The following FSIP1 variants were observed in gnomAD, a reference collection of about 807,000 sequenced individuals.
The protein encoded by FSIP1 is fibrous sheath interacting protein 1.
FSIP1 carries 65 observed loss-of-function variants against 60.9 expected under a neutral mutation model. That is an observed-to-expected ratio of 1.07 (90% CI 0.87 to 1.31). The LOEUF (loss-of-function observed/expected upper bound fraction) is 1.31, where lower values mean the gene tolerates loss of function less well. FSIP1 is among the 40% of genes most tolerant of loss of function. The pLI is 0.00. For missense variants in FSIP1, 675 were observed against 665.5 expected (o/e 1.01, Z -0.16); for synonymous variants, 209 against 221.2 (o/e 0.94, Z 0.49).
At chr15:39,759,468 A>G (rs1897415803) in intron 5 of FSIP1, among the ~76,000 whole-genome samples, 1 of 152,232 alleles carries the variant, frequency 6.6e-6, no homozygotes. Context: ...ATTCAGATAC[A>G]ATGTGGGTAA....
chr15:39,629,991 C>A (rs1409466782), intron 10 of FSIP1, among the ~76,000 whole-genome samples: 1 of 152,142 alleles, frequency 6.6e-6, no homozygotes, highest in African/African-American at 2.4e-5. Flanking sequence ...TCACAGAGAG[C>A]TTTTTCTGGT....
intron 5 of FSIP1, among the ~76,000 whole-genome samples, chr15:39,751,192 T>C (rs1208503864): frequency 6.6e-6 from 1 of 151,848 alleles, no homozygotes; most frequent in Non-Finnish European, 1.5e-5. Context: ...GGTGGAGCCA[T>C]TATGGAAACC....
At chr15:39,638,933 G>A (rs11636823) in intron 10 of FSIP1, among the ~76,000 whole-genome samples, 3 of 151,556 alleles carry the variant, frequency 2.0e-5, no homozygotes, top group Admixed American at 6.6e-5. Context: ...TTTTCTTATT[G>A]CTAAGTATAA....
At chr15:39,745,984 T>C (rs993999361) in intron 5 of FSIP1, among the ~76,000 whole-genome samples, 7 of 151,972 alleles carry the variant, frequency 4.6e-5, no homozygotes, top group African/African-American at 9.7e-5. Context: ...GAGGCTGAGG[T>C]GGGAGGATCC....
intron 5 of FSIP1, among the ~76,000 whole-genome samples, chr15:39,762,085 G>A (rs1330364579): frequency 6.6e-6 from 1 of 152,198 alleles, no homozygotes; most frequent in African/African-American, 2.4e-5. Flanking sequence ...GAGCTGAAAT[G>A]TCCAAGCTTG....
intron 5 of FSIP1, among the ~76,000 whole-genome samples, chr15:39,753,430 G>GC (rs71309407): frequency 0.29 from 44,650 of 151,826 alleles, 7,338 homozygotes; most frequent in Non-Finnish European, 0.38. Flanking sequence ...ACCTGTGTGT[G>GC]CACACACAAA....
intron 2 of FSIP1, 66 bp downstream of exon 2, chr15:39,776,333 C>T: frequency 2.0e-6 from 3 of 1,493,370 alleles, no homozygotes. Context: ...TTAACAACAA[C>T]CTTAGTTTCA....
intron 10 of FSIP1, among the ~76,000 whole-genome samples, chr15:39,686,165 C>G (rs967697757): frequency 6.6e-6 from 1 of 152,150 alleles, no homozygotes; most frequent in Non-Finnish European, 1.5e-5. Context: ...AAACCCACCA[C>G]GGGTACCCAA....
chr15:39,699,041 C>G (rs186075176), intron 10 of FSIP1, among the ~76,000 whole-genome samples: 39 of 152,244 alleles, frequency 2.6e-4, no homozygotes, highest in Non-Finnish European at 4.9e-4. Context: ...CAAGATGCCT[C>G]CTGAATGTTC....
chr15:39,633,009 T>C (rs989875496), intron 10 of FSIP1, among the ~76,000 whole-genome samples: 1 of 151,670 alleles, frequency 6.6e-6, no homozygotes, highest in Non-Finnish European at 1.5e-5. Context: ...CTCAGAATTG[T>C]ACTTCCCTTT....
chr15:39,715,906 T>G (rs1469053184), intron 9 of FSIP1, among the ~76,000 whole-genome samples: 4 of 152,190 alleles, frequency 2.6e-5, no homozygotes, highest in Non-Finnish European at 2.9e-5. Context: ...AGTGCCTGCT[T>G]CCCCTTCACC....
intron 8 of FSIP1, among the ~76,000 whole-genome samples, chr15:39,735,074 T>C (rs1333976898): frequency 6.6e-6 from 1 of 152,192 alleles, no homozygotes; most frequent in Non-Finnish European, 1.5e-5. Context: ...TGGGTAGCAG[T>C]TTACCCAATT....
rs760261829 is a variant in FSIP1, at chr15:39,600,842, T to C, written c.*38A>G. On this transcript the variant is annotated 3_prime_UTR_variant, in exon 12 of 12. Coordinates refer to ENST00000350221, the MANE Select transcript of FSIP1 (RefSeq NM_152597.5). ...AATAAGAAATTTAATTTAACTTCAT[T>C]ACCAACTTTCTGAAAAGCACACCCA... 6.5e-7 allele frequency: 1 copy of C among 1,541,454 alleles called. No homozygotes were observed. The highest frequency in any genetic ancestry group is 8.9e-7 in the Non-Finnish European group (1 of 1,128,342).
At chr15:39,699,455 G>T (rs892329326) in intron 10 of FSIP1, among the ~76,000 whole-genome samples, 1 of 152,102 alleles carries the variant, frequency 6.6e-6, no homozygotes, top group Non-Finnish European at 1.5e-5. Flanking sequence ...TTTATTGAAC[G>T]TCCACTTTTT....
intron 10 of FSIP1, among the ~76,000 whole-genome samples, chr15:39,619,648 T>C (rs1449999079): frequency 6.6e-6 from 1 of 152,204 alleles, no homozygotes; most frequent in Non-Finnish European, 1.5e-5. Context: ...AGGAGCATTA[T>C]CTCCACCCTA....
At chr15:39,701,213 A>G (rs973311259) in intron 10 of FSIP1, among the ~76,000 whole-genome samples, 1 of 152,256 alleles carries the variant, frequency 6.6e-6, no homozygotes, top group Non-Finnish European at 1.5e-5. Context: ...ATGTATTCCA[A>G]TTAATAAACT....
chr15:39,696,915 TGTGTGTGTGTGTTGGGA>T (rs1894842800), intron 10 of FSIP1, among the ~76,000 whole-genome samples: 1 of 39,098 alleles, frequency 2.6e-5, no homozygotes, highest in African/African-American at 5.9e-5. Context: ...TGTGTGTGTG[TGTGTGTGTGTGTTGGGA>T]TGGGGGAAGG....
At chr15:39,773,558 A>T (rs981617926) in intron 2 of FSIP1, among the ~76,000 whole-genome samples, 1 of 152,258 alleles carries the variant, frequency 6.6e-6, no homozygotes, top group African/African-American at 2.4e-5. Context: ...TATCAATATC[A>T]TGAAGTTGCT....
chr15:39,739,795 A>G lies in FSIP1; in HGVS notation c.656-6T>C. The G allele has an allele frequency of 6.5e-7, 1 of 1,538,636 alleles. No homozygotes were observed. Among genetic ancestry groups the G allele is most frequent in the Non-Finnish European group, 8.7e-7 (1 of 1,146,750 alleles). On this transcript the variant is annotated splice_region_variant and splice_polypyrimidine_tract_variant and intron_variant, in intron 6 of 11. Coordinates refer to ENST00000350221, the MANE Select transcript of FSIP1 (RefSeq NM_152597.5). ...TTCCACATCACAGGTAAAATCTAAT[A>G]TTAAAAAAGTTCAAAATTTTTTCAT...
Sources: allele counts gnomAD v4.1 joint callset (sites outside exome capture counted in the v4.1 genomes callset), GRCh38; gene constraint gnomAD v4.1.1; transcripts MANE v1.5; gene names NCBI Gene and HGNC (gene_info 2026-07-23, HGNC 2026-07-21).